Variants in SATL1 observed in about 807,000 individuals in gnomAD.
The protein encoded by SATL1 is spermidine/spermine N(1)-acetyltransferase-like protein 1.
Under a neutral mutation model 51.8 loss-of-function variants are expected in SATL1, and 47 were observed. That is an observed-to-expected ratio of 0.91 (90% CI 0.72 to 1.16). SATL1 has a LOEUF of 1.16. Among genes scored for constraint, SATL1 ranks in the 50% most tolerant of loss-of-function variants. The pLI is 0.00. For synonymous variants in SATL1, 176 were observed against 182.4 expected (o/e 0.97, Z 0.28); for missense variants, 520 against 526.4 (o/e 0.99, Z 0.12).
At chrX:85,138,038 CCTAT>C (rs1926005776) in intron 2 of SATL1, among the ~76,000 whole-genome samples, 2 of 111,699 alleles carry the variant, frequency 1.8e-5, no homozygotes, top group African/African-American at 6.5e-5. Flanking sequence ...GCTAACATTA[CCTAT>C]CTATTCCTGT....
At chrX:85,150,951 G>C (rs1926414551) in intron 2 of SATL1, among the ~76,000 whole-genome samples, 1 of 111,233 alleles carries the variant, frequency 9.0e-6, no homozygotes, top group Non-Finnish European at 1.9e-5. Flanking sequence ...ACACAGTGTT[G>C]GAAGTTCCGG....
At chrX:85,240,453 C>T (rs1051477672) in intron 1 of SATL1, among the ~76,000 whole-genome samples, 8 of 111,479 alleles carry the variant, frequency 7.2e-5, no homozygotes, top group African/African-American at 6.5e-5. Context: ...TAGTGATTTT[C>T]TACATTTACT....
chrX:85,126,668 C>T (rs1042531844), intron 2 of SATL1, among the ~76,000 whole-genome samples: 1 of 110,800 alleles, frequency 9.0e-6, no homozygotes, highest in Non-Finnish European at 1.9e-5. Context: ...TTGGACAGTC[C>T]AACCAGGGTG....
At chrX:85,116,856 C>T (rs1351363939) in intron 2 of SATL1, among the ~76,000 whole-genome samples, 1 of 110,881 alleles carries the variant, frequency 9.0e-6, no homozygotes, top group Non-Finnish European at 1.9e-5. Context: ...ATAGAAAAAC[C>T]CAAAACTGAT....
intron 1 of SATL1, among the ~76,000 whole-genome samples, chrX:85,241,664 T>A (rs1200651687): frequency 8.9e-6 from 1 of 111,868 alleles, no homozygotes; most frequent in Non-Finnish European, 1.9e-5. Flanking sequence ...CAAAACTCTC[T>A]TTTTGTACTT....
intron 2 of SATL1, among the ~76,000 whole-genome samples, chrX:85,222,455 ATGTT>A (rs1928195508): frequency 9.0e-6 from 1 of 111,599 alleles, no homozygotes; most frequent in African/African-American, 3.3e-5. Flanking sequence ...CTTATAGTCT[ATGTT>A]TGAATATACC....
intron 2 of SATL1, among the ~76,000 whole-genome samples, chrX:85,195,396 G>A (rs1927535923): frequency 1.8e-5 from 2 of 111,450 alleles, no homozygotes; most frequent in Admixed American, 1.9e-4. Flanking sequence ...AGTGTTAAGA[G>A]TCTCCAAAAT....
chrX:85,124,480 A>G (rs1485910832), intron 2 of SATL1, among the ~76,000 whole-genome samples: 1 of 112,174 alleles, frequency 8.9e-6, no homozygotes, highest in Non-Finnish European at 1.9e-5. Flanking sequence ...GAGTTTACAT[A>G]TAAAGTGTTT....
At position 85,116,611 on chromosome X, in the gene SATL1, T is replaced by G. The variant is rs1925388249; in HGVS notation, c.-312-7331A>C. ...AGTTAGACTCCACCATTTTGCCTTA[T>G]AATGTGTATGCTTGAGCCCACTCAC... is the stretch of plus-strand genomic sequence containing the variant. On this transcript the variant is annotated intron_variant, in intron 2 of 7. Coordinates refer to ENST00000644105, the MANE Select transcript of SATL1 (RefSeq NM_001367857.2). Among the ~76,000 whole-genome samples, 3 of 111,433 alleles carry G rather than the reference T, an allele frequency of 2.7e-5. No homozygotes were observed. The Admixed American group carries it at 2.9e-4, about 11-fold the overall frequency.
intron 2 of SATL1, among the ~76,000 whole-genome samples, chrX:85,202,883 C>T (rs952157269): frequency 1.3e-4 from 15 of 111,781 alleles, no homozygotes; most frequent in African/African-American, 3.6e-4. Flanking sequence ...AAGGGCAGTT[C>T]CACTGTAGAG....
chrX:85,130,974 T>C (rs1191622731), intron 2 of SATL1, among the ~76,000 whole-genome samples: 1 of 112,333 alleles, frequency 8.9e-6, no homozygotes. Flanking sequence ...AGTTTCTTAA[T>C]CCTGAGTTCT....
intron 2 of SATL1, among the ~76,000 whole-genome samples, chrX:85,165,333 G>A (rs938347972): frequency 5.4e-5 from 6 of 110,178 alleles, no homozygotes; most frequent in African/African-American, 2.0e-4. Flanking sequence ...CTAGTCTATT[G>A]TTGGAACTTT....
intron 2 of SATL1, among the ~76,000 whole-genome samples, chrX:85,189,147 A>C (rs1316689415): frequency 8.9e-6 from 1 of 112,081 alleles, no homozygotes; most frequent in Non-Finnish European, 1.9e-5. Flanking sequence ...ATTTGCTGGA[A>C]TGTTCTCTTA....
chrX:85,166,941 A>ATATG (rs1926851337), intron 2 of SATL1, among the ~76,000 whole-genome samples: 7 of 77,575 alleles, frequency 9.0e-5, no homozygotes, highest in South Asian at 1.5e-3. Flanking sequence ...ATATATGTGT[A>ATATG]TGTGTGTGTG....
chrX:85,123,896 C>A (rs1160367108), intron 2 of SATL1, among the ~76,000 whole-genome samples: 2 of 111,722 alleles, frequency 1.8e-5, no homozygotes, highest in East Asian at 5.6e-4. Context: ...CACAACACAG[C>A]AAACTGTTAA....
intron 1 of SATL1, among the ~76,000 whole-genome samples, chrX:85,230,735 C>T (rs1481152304): frequency 8.9e-6 from 1 of 111,824 alleles, no homozygotes; most frequent in African/African-American, 3.2e-5. Flanking sequence ...AGCAAAAGAA[C>T]CAAATAACCC....
intron 2 of SATL1, among the ~76,000 whole-genome samples, chrX:85,174,681 T>C (rs745482046): frequency 4.3e-4 from 48 of 111,537 alleles, no homozygotes; most frequent in Middle Eastern, 4.6e-3. Context: ...GGGAAAGACA[T>C]ACCATTTTCA....
rs759567273 is a variant in SATL1, at chrX:85,092,468, C to CT, written c.2010dup (p.Asp671ArgfsTer5). ...TGCCAGCCCTCCTCAGAGGAAAGGT[C>CT]TAAAGCCCCTCGACTAGTATAGTAG... On this transcript the variant is annotated frameshift_variant, in exon 8 of 8. Coordinates refer to ENST00000644105, the MANE Select transcript of SATL1 (RefSeq NM_001367857.2). LOFTEE classifies it high-confidence loss of function. 36 of 1,204,727 alleles carry CT rather than the reference C, an allele frequency of 3.0e-5. No individual in the cohort carries two copies. The highest frequency in any genetic ancestry group is 1.3e-4 in the South Asian group (7 of 55,567).
At chrX:85,101,184 T>G (rs1423690432) in intron 4 of SATL1, among the ~76,000 whole-genome samples, 1 of 112,049 alleles carries the variant, frequency 8.9e-6, no homozygotes, top group Non-Finnish European at 1.9e-5. Flanking sequence ...GACAAAAGAA[T>G]GAATAAATTG....
Sources: gnomAD v4.1 joint callset for allele counts (sites outside exome capture counted in the v4.1 genomes callset) on GRCh38, gnomAD v4.1.1 for gene constraint, MANE v1.5 for transcripts, NCBI Gene and HGNC (gene_info 2026-07-23, HGNC 2026-07-21) for gene names.